ZFP28: variants seen among roughly 807,000 people sequenced by gnomAD.
ZFP28 encodes the protein zinc finger protein 28 homolog.
Under a neutral mutation model 39.5 loss-of-function variants are expected in ZFP28, and 31 were observed. The ratio of observed to expected loss-of-function variants is 0.79; its 90% CI spans 0.59 to 1.06. The LOEUF (loss-of-function observed/expected upper bound fraction) is 1.06, where lower values mean the gene tolerates loss of function less well. ZFP28 is among the 50% of genes least tolerant of loss of function. The pLI is 0.00. For missense variants in ZFP28, 925 were observed against 1,048.4 expected (o/e 0.88, Z 1.63); for synonymous variants, 400 against 378.6 (o/e 1.06, Z -0.66).
chr19:56,539,719 G>A lies in ZFP28; in HGVS notation c.300+3G>A. ...TTGAACCTAAAGCCATGTCCCAGGT[G>A]AGTTGGCATTTCATCTCTTGTCTCT... is the stretch of plus-strand genomic sequence containing the variant. On this transcript the variant is annotated splice_donor_region_variant and intron_variant, in intron 2 of 7. Transcript: ENST00000301318. 2 of 1,613,774 alleles carry A rather than the reference G, an allele frequency of 1.2e-6. No individual in the cohort carries two copies. The highest frequency in any genetic ancestry group is 1.7e-6 in the Non-Finnish European group (2 of 1,179,754).
At chr19:56,553,591 A>G (rs1231774954) in intron 7 of ZFP28, 93 bp from the exon 8 acceptor site, 1 of 1,455,620 alleles carries the variant, frequency 6.9e-7, no homozygotes, top group Non-Finnish European at 9.2e-7. Flanking sequence ...TGAATTCACC[A>G]ATTAGTGAAT....
At chr19:56,553,226 G>GT (rs5828687) in intron 7 of ZFP28, 50 of 147,276 alleles carry the variant, frequency 3.4e-4, no homozygotes, top group South Asian at 1.1e-3. Flanking sequence ...GAAAATAATT[G>GT]TTTTTTTTTT....
chr19:56,549,723 A>G (rs991569151), intron 5 of ZFP28, among the ~76,000 whole-genome samples: 1 of 152,252 alleles, frequency 6.6e-6, no homozygotes, highest in East Asian at 1.9e-4. Context: ...CTTTTCATCA[A>G]AGATTTCATA....
chr19:56,555,192 C>T lies in ZFP28; in HGVS notation c.2407C>T (p.His803Tyr). ...CATCCAAATTGGACACCTTAATCAACATAAGAGAGTTCATACTGGAGAGAG... is the reference window on the plus strand; with the variant it reads ...CATCCAAATTGGACACCTTAATCAATATAAGAGAGTTCATACTGGAGAGAG... ...TFIQIGHLNQ[H>Y]KRVHTGERSY... The change falls in exon 8 of 8, where the codon CAT (histidine) becomes TAT (tyrosine). Residue 803 changes from histidine (H) to tyrosine (Y), a missense_variant. By Grantham distance (83) the His-to-Tyr change is moderately conservative. Coordinates refer to ENST00000301318, the MANE Select transcript of ZFP28 (RefSeq NM_020828.2). The T allele has an allele frequency of 1.9e-6, 3 of 1,614,128 alleles. No individual in the cohort carries two copies. Among genetic ancestry groups the T allele is most frequent in the Non-Finnish European group, 2.5e-6 (3 of 1,180,016 alleles).
chr19:56,548,984 G>T lies in ZFP28; in HGVS notation c.550G>T (p.Glu184Ter). ...PDLKAVWKIK[E>*]LPLKKDFCEG... ...CTTGAAGGCTGTGTGGAAGATCAAGGAGTTACCTCTCAAGAAGGACTTCTG... is the reference window on the plus strand; with the variant it reads ...CTTGAAGGCTGTGTGGAAGATCAAGTAGTTACCTCTCAAGAAGGACTTCTG... Residue 184 changes from glutamate (E) to a stop codon, truncating the protein, a stop_gained, in exon 5 of 8, where the codon GAG (glutamate) becomes TAG (stop). Coordinates refer to ENST00000301318, the MANE Select transcript of ZFP28 (RefSeq NM_020828.2). LOFTEE classifies it high-confidence loss of function. 6.2e-7 allele frequency: 1 copy of T among 1,613,968 alleles called. No individual in the cohort carries two copies. The highest frequency in any genetic ancestry group is 1.1e-5 in the South Asian group (1 of 91,050).
At chr19:56,552,949 A>G (rs775009158) in intron 7 of ZFP28, 5 of 152,120 alleles carry the variant, frequency 3.3e-5, no homozygotes, top group Non-Finnish European at 5.9e-5. Flanking sequence ...AGTACACATA[A>G]AATTTAACCA....
chr19:56,540,355 T>G (rs1001870894), intron 2 of ZFP28, among the ~76,000 whole-genome samples: 1 of 152,238 alleles, frequency 6.6e-6, no homozygotes, highest in African/African-American at 2.4e-5. Flanking sequence ...TATGAAAGGC[T>G]TTTCCACTTG....
intron 7 of ZFP28, chr19:56,550,806 T>C: frequency 1.3e-6 from 2 of 1,503,278 alleles, no homozygotes; most frequent in Admixed American, 2.2e-5. Context: ...GCCATTTCCC[T>C]GAAGTTCCTT....
Position 56,547,834 on chromosome 19 carries a change from TCTC to T in ZFP28, c.459_461del (p.Ser154del), listed in dbSNP as rs2044256960. The T allele has an allele frequency of 6.2e-7, 1 of 1,613,970 alleles. No homozygotes were observed. The highest frequency in any genetic ancestry group is 8.5e-7 in the Non-Finnish European group (1 of 1,180,032). ...CTTTGTGTTTCTAAGCCCGATGTGA[TCTC>T]CTCGTTGGAACAAGGAAAAGAGCCT... is the stretch of plus-strand genomic sequence containing the variant. On this transcript the variant is annotated inframe_deletion, in exon 4 of 8. Coordinates refer to ENST00000301318, the MANE Select transcript of ZFP28 (RefSeq NM_020828.2). The surrounding 1 kb of genome is among the most constrained non-coding windows in gnomAD (Gnocchi z 4.6).
At chr19:56,552,865 T>G (rs1271473122) in intron 7 of ZFP28, 3 of 152,286 alleles carry the variant, frequency 2.0e-5, no homozygotes, top group African/African-American at 7.2e-5. Flanking sequence ...CCTTCTTTCC[T>G]TACCTTTCTC....
chr19:56,548,960 T>A lies in ZFP28; in HGVS notation c.526T>A (p.Leu176Met). Reference sequence around the variant, plus strand: ...TTTACCTTCTTTACGTCTTTCAGACTTGAAGGCTGTGTGGAAGATCAAGGA... The same window carrying A: ...TTTACCTTCTTTACGTCTTTCAGACATGAAGGCTGTGTGGAAGATCAAGGA... ...RKMTRAWCPD[L>M]KAVWKIKELP... Residue 176 changes from leucine (L) to methionine (M), a missense_variant and splice_region_variant, in exon 5 of 8, where the codon TTG becomes ATG. Coordinates refer to ENST00000301318, the MANE Select transcript of ZFP28 (RefSeq NM_020828.2). 6.2e-7 allele frequency: 1 copy of A among 1,612,312 alleles called. No homozygotes were observed. Among genetic ancestry groups the A allele is most frequent in the Non-Finnish European group, 8.5e-7 (1 of 1,179,398 alleles).
rs2044350556 is a variant in ZFP28 at position 56,556,302 on chromosome 19, A to C, written c.*910A>C. The C allele has an allele frequency of 6.6e-6, 1 of 152,252 alleles. No homozygotes were observed. Among genetic ancestry groups the C allele is most frequent in the Non-Finnish European group, 1.5e-5 (1 of 68,056 alleles). 9.4% of individuals were successfully genotyped at this position (152,252 alleles called of 1,614,324 possible). A position where few individuals can be genotyped will look rare whatever the true frequency, so the allele number is the denominator to read the frequency against. ...CAGCCACACAGTGATTTACACCTTG[A>C]TTGTGCTGCTTCCAGGCTGTAGCAG... On this transcript the variant is annotated 3_prime_UTR_variant, in exon 8 of 8. Transcript: ENST00000301318.
chr19:56,548,830 C>A, intron 4 of ZFP28, 128 bp from the exon 5 acceptor site: 1 of 1,015,324 alleles, frequency 9.8e-7, no homozygotes, highest in Non-Finnish European at 1.4e-6. Context: ...ATATGCTTTT[C>A]ATTTTCTTCC....
In ZFP28 at chr19:56,550,575, A is replaced by AATC. The variant is rs770927411; in HGVS notation, c.869_870insTCA (p.Lys290delinsAsnGln). On this transcript the variant is annotated protein_altering_variant, in exon 7 of 8. Transcript: ENST00000301318. ...GCAAGAGAAGGAGCCCTGGATGGTG[A>AATC]AGCGAGAGCTGACAGGAAGCCTGTT... The AATC allele has an allele frequency of 6.8e-6, 11 of 1,614,020 alleles. No homozygotes were observed. Among genetic ancestry groups the AATC allele is most frequent in the Non-Finnish European group, 9.3e-6 (11 of 1,180,038 alleles).
chr19:56,554,745 T>A lies in ZFP28; in HGVS notation c.1960T>A (p.Phe654Ile). Residue 654 changes from phenylalanine (F) to isoleucine (I), a missense_variant, in exon 8 of 8, where the codon TTC (phenylalanine) becomes ATC (isoleucine). Around this residue, in one of 2 missense-constraint regions of ZFP28, gnomAD observed 369 missense variants for 505.5 expected, o/e 0.73. Transcript: ENST00000301318. The surrounding 1 kb of genome is among the most constrained non-coding windows in gnomAD (Gnocchi z 6.7). ...PYECKVCSKA[F>I]TQKAHLAQHQ... ...TGAATGTAAGGTTTGTAGTAAAGCGTTCACCCAGAAGGCTCACCTTGCACA... is the reference window on the plus strand; with the variant it reads ...TGAATGTAAGGTTTGTAGTAAAGCGATCACCCAGAAGGCTCACCTTGCACA... 1.9e-6 allele frequency: 3 copies of A among 1,614,088 alleles called. No individual in the cohort carries two copies. Among genetic ancestry groups the A allele is most frequent in the Non-Finnish European group, 2.5e-6 (3 of 1,180,022 alleles).
At chr19:56,548,554 A>G in intron 4 of ZFP28, 1 of 154,298 alleles carries the variant, frequency 6.5e-6, no homozygotes, top group East Asian at 1.9e-4. Flanking sequence ...TAAAGCTGAA[A>G]TAAGGATCAT....
In ZFP28 at chr19:56,539,659, G is replaced by A; in HGVS notation, c.243G>A (p.Glu81=). The change falls in exon 2 of 8, where the codon GAG becomes GAA. Residue 81 remains glutamate, a synonymous_variant. Coordinates refer to ENST00000301318, the MANE Select transcript of ZFP28 (RefSeq NM_020828.2). ...LPSRDTALPQ[E]RNKKLEAVGT... ...CCAGGGACACTGCTCTTCCCCAGGA[G>A]AGAAACAAGAAGCTGGAGGCTGTGG... 2 of 1,614,144 alleles carry A rather than the reference G, an allele frequency of 1.2e-6. No homozygotes were observed. Among genetic ancestry groups the A allele is most frequent in the Non-Finnish European group, 1.7e-6 (2 of 1,180,020 alleles).
upstream of ZFP28, chr19:56,537,906 G>A (rs759245932): frequency 9.9e-5 from 15 of 152,222 alleles, no homozygotes; most frequent in Non-Finnish European, 1.8e-4. Context: ...CCCTGGGGGA[G>A]AGACCGGTCC....
chr19:56,551,213 T>C, intron 7 of ZFP28: 4 of 986,470 alleles, frequency 4.1e-6, no homozygotes, highest in Non-Finnish European at 4.8e-6. Context: ...AGAAGTTGAA[T>C]TGCAAGAAGG....
Sources: allele counts gnomAD v4.1 joint callset (sites outside exome capture counted in the v4.1 genomes callset), GRCh38; gene constraint gnomAD v4.1.1; regional missense constraint gnomAD v4.1.1; non-coding constraint Gnocchi (gnomAD v3.1); transcripts MANE v1.5; gene names NCBI Gene and HGNC (gene_info 2026-07-23, HGNC 2026-07-21).